Variants in TNRC6C observed in about 807,000 individuals in gnomAD.
The protein encoded by TNRC6C is trinucleotide repeat-containing gene 6C protein.
In TNRC6C, 20 loss-of-function variants were observed where a neutral mutation model predicts 153.7. The ratio of observed to expected loss-of-function variants is 0.13; its 90% CI spans 0.09 to 0.19. TNRC6C has a LOEUF of 0.19. Among genes scored for constraint, TNRC6C ranks in the 10% least tolerant of loss-of-function variants. TNRC6C has a pLI of 1.00. For synonymous variants in TNRC6C, 811 were observed against 841.4 expected (o/e 0.96, Z 0.63); for missense variants, 1,987 against 2,172.0 (o/e 0.91, Z 1.69).
At chr17:78,006,568 C>CCTT (rs1482252634) in intron 1 of TNRC6C, among the ~76,000 whole-genome samples, 5 of 131,400 alleles carry the variant, frequency 3.8e-5, no homozygotes, top group African/African-American at 5.7e-5. Context: ...CTTCCTTCTT[C>CCTT]CTTCTTCCTT....
intron 1 of TNRC6C, among the ~76,000 whole-genome samples, chr17:77,974,195 T>C (rs2144076051): frequency 6.6e-6 from 1 of 152,110 alleles, no homozygotes; most frequent in East Asian, 1.9e-4. Flanking sequence ...TATAAAGAGC[T>C]CTCGTAACTT....
At chr17:78,095,507 TC>T (rs1346032584) in intron 16 of TNRC6C, among the ~76,000 whole-genome samples, 1 of 152,188 alleles carries the variant, frequency 6.6e-6, no homozygotes, top group Admixed American at 6.5e-5. Flanking sequence ...TCGTTTGACT[TC>T]CCGGGTGCTC....
chr17:78,054,553 T>C (rs896373446), intron 3 of TNRC6C, among the ~76,000 whole-genome samples: 1 of 151,952 alleles, frequency 6.6e-6, no homozygotes. Context: ...TGTACATCAC[T>C]GTGGACTACT....
At chr17:78,019,931 G>T (rs904465978) in intron 1 of TNRC6C, among the ~76,000 whole-genome samples, 2 of 152,144 alleles carry the variant, frequency 1.3e-5, no homozygotes, top group African/African-American at 4.8e-5. Flanking sequence ...GATCTGAAAA[G>T]AGTTTATGGC....
intron 1 of TNRC6C, among the ~76,000 whole-genome samples, chr17:77,966,341 A>G (rs1438112809): frequency 6.6e-6 from 1 of 152,130 alleles, no homozygotes; most frequent in Admixed American, 6.5e-5. Flanking sequence ...ATCTTCCTTG[A>G]GCAGAGGTAT....
chr17:77,983,358 G>T (rs1404417820), intron 1 of TNRC6C, among the ~76,000 whole-genome samples: 1 of 152,154 alleles, frequency 6.6e-6, no homozygotes, highest in African/African-American at 2.4e-5. Context: ...AGGAAAAGAG[G>T]TCACTCTCCT....
chr17:78,034,720 A>G (rs2072145549), intron 2 of TNRC6C, among the ~76,000 whole-genome samples: 1 of 152,208 alleles, frequency 6.6e-6, no homozygotes, highest in Non-Finnish European at 1.5e-5. Context: ...CTGTAATCCC[A>G]GCACTTTGAA....
chr17:78,081,730 C>T (rs2073184291), intron 10 of TNRC6C, among the ~76,000 whole-genome samples: 1 of 152,104 alleles, frequency 6.6e-6, no homozygotes, highest in Non-Finnish European at 1.5e-5. Context: ...AGACCTAGGC[C>T]ACAGCTGCAC....
chr17:77,961,507 G>A (rs1377108430), intron 1 of TNRC6C, among the ~76,000 whole-genome samples: 2 of 149,280 alleles, frequency 1.3e-5, no homozygotes, highest in Admixed American at 1.3e-4. Context: ...GAGACTGTCT[G>A]TCATAAGGTT....
At chr17:77,960,265 C>G (rs1468137975) in intron 1 of TNRC6C, among the ~76,000 whole-genome samples, 1 of 152,180 alleles carries the variant, frequency 6.6e-6, no homozygotes, top group Non-Finnish European at 1.5e-5. Flanking sequence ...CTGTAGATGT[C>G]CAACTTCAGC....
At chr17:77,997,443 G>C (rs1024127385) in intron 1 of TNRC6C, among the ~76,000 whole-genome samples, 1 of 151,928 alleles carries the variant, frequency 6.6e-6, no homozygotes, top group Admixed American at 6.6e-5. Context: ...CTTTTCTCCA[G>C]ATCTTTTCCC....
At chr17:78,070,950 C>G (rs1003418806) in intron 5 of TNRC6C, 135 bp from the exon 8 acceptor site, 8 of 815,070 alleles carry the variant, frequency 9.8e-6, no homozygotes, top group Admixed American at 2.6e-5. Context: ...TTCTGGAATA[C>G]AGCATTATTC....
exon 13 of TNRC6C, chr17:78,087,072 A>G: frequency 1.9e-6 from 3 of 1,606,126 alleles, no homozygotes; most frequent in Non-Finnish European, 2.5e-6. Context: ...TTCACCCAAC[A>G]CCTTTGCTCC....
intron 2 of TNRC6C, among the ~76,000 whole-genome samples, chr17:78,040,318 G>A (rs1020881693): frequency 5.3e-5 from 8 of 152,184 alleles, no homozygotes; most frequent in African/African-American, 1.9e-4. Flanking sequence ...AAACACTTGA[G>A]AGCTTTTATC....
intron 5 of TNRC6C, among the ~76,000 whole-genome samples, chr17:78,068,571 A>G (rs897007582): frequency 6.6e-6 from 1 of 152,168 alleles, no homozygotes; most frequent in African/African-American, 2.4e-5. Context: ...AAGTGGGTGG[A>G]TCACTTGAGG....
At chr17:77,958,914 G>C (rs1401795928), upstream of TNRC6C, among the ~76,000 whole-genome samples, 1 of 146,256 alleles carries the variant, frequency 6.8e-6, no homozygotes, top group African/African-American at 2.5e-5. Context: ...CGGAGGGAGC[G>C]GAGCGGCCCC....
At chr17:78,038,689 A>G (rs1244139545) in intron 2 of TNRC6C, among the ~76,000 whole-genome samples, 2 of 151,960 alleles carry the variant, frequency 1.3e-5, no homozygotes, top group African/African-American at 4.8e-5. Context: ...AAAAAAAAAA[A>G]AAAAAAAAAG....
At chr17:77,958,371 TC>T (rs1200363929), upstream of TNRC6C, among the ~76,000 whole-genome samples, 2 of 151,208 alleles carry the variant, frequency 1.3e-5, no homozygotes, top group Non-Finnish European at 3.0e-5. Flanking sequence ...CAGTGCAAGC[TC>T]CCAGGACTGG....
intron 10 of TNRC6C, among the ~76,000 whole-genome samples, chr17:78,081,895 T>G (rs1320934590): frequency 1.3e-5 from 2 of 152,202 alleles, no homozygotes; most frequent in Non-Finnish European, 2.9e-5. Context: ...CACAGAACCT[T>G]GGAAAGTTCA....
Sources: allele counts gnomAD v4.1 joint callset (sites outside exome capture counted in the v4.1 genomes callset), GRCh38; gene constraint gnomAD v4.1.1; transcripts MANE v1.5; gene names NCBI Gene and HGNC (gene_info 2026-07-23, HGNC 2026-07-21).